Variants in ZNF578 observed in about 807,000 individuals in gnomAD.
ZNF578 encodes the protein zinc finger protein 578.
In ZNF578, 8 loss-of-function variants were observed where a neutral mutation model predicts 8.3. The observed-to-expected ratio is 0.96, with a 90% confidence interval of 0.56 to 1.74. The LOEUF (loss-of-function observed/expected upper bound fraction) is 1.74. ZNF578 is among the 40% of genes most tolerant of loss of function. The pLI, the probability that ZNF578 is intolerant of heterozygous loss-of-function variation, is 0.00. For synonymous variants in ZNF578, 206 were observed against 232.2 expected (o/e 0.89, Z 1.03); for missense variants, 726 against 707.5 (o/e 1.03, Z -0.30).
chr19:52,499,701 T>TTTTTTTTTTTTTTTTTTTTTTG (rs2059399798), intron 3 of ZNF578, among the ~76,000 whole-genome samples: 1 of 151,806 alleles, frequency 6.6e-6, no homozygotes, highest in African/African-American at 2.4e-5. Context: ...TTTTTTTTTT[T>TTTTTTTTTTTTTTTTTTTTTTG]TGAGATGAAT....
chr19:52,475,669 T>TTAATATGCCCTAA (rs2059306259), intron 2 of ZNF578, among the ~76,000 whole-genome samples: 1 of 152,204 alleles, frequency 6.6e-6, no homozygotes, highest in East Asian at 1.9e-4. Flanking sequence ...GTGCAGCCAA[T>TTAATATGCCCTAA]TAATATCCCC....
intron 2 of ZNF578, among the ~76,000 whole-genome samples, chr19:52,482,408 T>C (rs2059329881): frequency 6.6e-6 from 1 of 151,882 alleles, no homozygotes; most frequent in African/African-American, 2.4e-5. Context: ...GAGGCCGAGG[T>C]ACGTGGATCA....
intron 2 of ZNF578, among the ~76,000 whole-genome samples, chr19:52,465,389 A>G (rs1205390498): frequency 6.6e-6 from 1 of 152,172 alleles, no homozygotes; most frequent in African/African-American, 2.4e-5. Flanking sequence ...GGGGATTGGC[A>G]TAAATCACCT....
intron 5 of ZNF578, among the ~76,000 whole-genome samples, chr19:52,508,974 T>C (rs2059435073): frequency 7.2e-6 from 1 of 137,986 alleles, no homozygotes; most frequent in Admixed American, 8.2e-5. Context: ...CGATCTCGGC[T>C]CACTGCAACC....
chr19:52,489,807 C>A (rs2077296056), intron 2 of ZNF578, among the ~76,000 whole-genome samples: 1 of 151,966 alleles, frequency 6.6e-6, no homozygotes, highest in African/African-American at 2.4e-5. Context: ...AGGCGCCCGC[C>A]ACCAATCCCG....
intron 2 of ZNF578, among the ~76,000 whole-genome samples, chr19:52,464,511 C>T (rs924158241): frequency 4.6e-5 from 7 of 152,214 alleles, no homozygotes; most frequent in African/African-American, 1.2e-4. Context: ...GAACCTTTTG[C>T]GGCTTAATGG....
At chr19:52,461,166 A>G (rs1025811003) in intron 2 of ZNF578, among the ~76,000 whole-genome samples, 3 of 152,218 alleles carry the variant, frequency 2.0e-5, no homozygotes, top group South Asian at 2.1e-4. Context: ...TCATTTGGCT[A>G]TATCCAATGT....
intron 2 of ZNF578, among the ~76,000 whole-genome samples, chr19:52,487,683 T>A (rs1323230815): frequency 6.6e-6 from 1 of 152,096 alleles, no homozygotes; most frequent in Non-Finnish European, 1.5e-5. Flanking sequence ...CAGGCTGGAG[T>A]GCAGTGCGTG....
intron 2 of ZNF578, among the ~76,000 whole-genome samples, chr19:52,481,669 C>T (rs914709980): frequency 8.5e-5 from 13 of 152,122 alleles, no homozygotes; most frequent in East Asian, 3.9e-4. Flanking sequence ...TTCCCAGAGT[C>T]GGGTAGGAAA....
intron 3 of ZNF578, among the ~76,000 whole-genome samples, chr19:52,497,551 A>G (rs1025645655): frequency 2.0e-5 from 3 of 152,302 alleles, no homozygotes; most frequent in East Asian, 3.9e-4. Context: ...TATATTTTCA[A>G]CTATTTCTCC....
At chr19:52,476,395 G>A (rs2059308431) in intron 2 of ZNF578, among the ~76,000 whole-genome samples, 1 of 152,178 alleles carries the variant, frequency 6.6e-6, no homozygotes, top group Non-Finnish European at 1.5e-5. Flanking sequence ...CCATACAGGT[G>A]TTTTGCTGAG....
chr19:52,504,546 C>G (rs2447419), intron 4 of ZNF578, 109 bp from the exon 5 acceptor site: 18 of 1,568,442 alleles, frequency 1.1e-5, no homozygotes, highest in Non-Finnish European at 1.4e-5. Flanking sequence ...GGTTTTGTCA[C>G]AACACAGTCT....
intron 2 of ZNF578, among the ~76,000 whole-genome samples, chr19:52,485,578 A>G (rs1474160550): frequency 6.6e-6 from 1 of 152,108 alleles, no homozygotes; most frequent in Admixed American, 6.6e-5. Context: ...TACTGTGTCT[A>G]CGTAGAAAGA....
intron 2 of ZNF578, among the ~76,000 whole-genome samples, 174 bp from the exon 3 acceptor site, chr19:52,491,150 T>C (rs1267004190): frequency 1.3e-5 from 2 of 152,220 alleles, no homozygotes; most frequent in East Asian, 3.8e-4. Context: ...TTGAAGGACA[T>C]GTAATCGCCC....
intron 2 of ZNF578, among the ~76,000 whole-genome samples, chr19:52,486,265 C>G (rs2059345231): frequency 6.6e-6 from 1 of 152,122 alleles, no homozygotes; most frequent in African/African-American, 2.4e-5. Context: ...TGACCCTTCC[C>G]CACTATTACC....
In ZNF578 at chr19:52,516,021, C is replaced by T. The variant is rs941905849; in HGVS notation, c.*3867C>T. Among the ~76,000 whole-genome samples, 1 of 152,132 alleles carries T rather than the reference C, an allele frequency of 6.6e-6. No homozygotes were observed. Among genetic ancestry groups the T allele is most frequent in the African/African-American group, 2.4e-5 (1 of 41,418 alleles). Reference sequence around the variant, plus strand: ...GTGCAGGGCCCCTGCCAGTGTCCAGCCTCCTCCTGGCAGCTTGCCCTCATC... The same window carrying T: ...GTGCAGGGCCCCTGCCAGTGTCCAGTCTCCTCCTGGCAGCTTGCCCTCATC... On this transcript the variant is annotated 3_prime_UTR_variant, in exon 6 of 6. Coordinates refer to ENST00000421239, the MANE Select transcript of ZNF578 (RefSeq NM_001099694.2).
At chr19:52,459,769 A>ATATTTTT (rs1555751349) in intron 2 of ZNF578, among the ~76,000 whole-genome samples, 333 of 17,616 alleles carry the variant, frequency 0.019, 62 homozygotes, top group Admixed American at 0.027. Flanking sequence ...ATATATATAT[A>ATATTTTT]TTTTTTTTTT....
chr19:52,479,773 CCAGA>C (rs1417581146), intron 2 of ZNF578, among the ~76,000 whole-genome samples: 1 of 152,016 alleles, frequency 6.6e-6, no homozygotes, highest in African/African-American at 2.4e-5. Flanking sequence ...TCATTCCTTA[CCAGA>C]CAAAAACTTC....
Position 52,516,066 on chromosome 19 carries a change from A to T in ZNF578, c.*3912A>T, listed in dbSNP as rs2059474180. Among the ~76,000 whole-genome samples the T allele has an allele frequency of 6.6e-6, 1 of 151,928 alleles. No individual in the cohort carries two copies. The highest frequency in any genetic ancestry group is 2.1e-4 in the South Asian group (1 of 4,824). On this transcript the variant is annotated 3_prime_UTR_variant, in exon 6 of 6. Transcript: ENST00000421239. ...CTCATCTCATGACTCCCTCTGCCCC[A>T]GTCACATTTGCTTTTCTCTTTTCCC... is the stretch of plus-strand genomic sequence containing the variant.
Sources: allele counts gnomAD v4.1 joint callset (sites outside exome capture counted in the v4.1 genomes callset), GRCh38; gene constraint gnomAD v4.1.1; transcripts MANE v1.5; gene names NCBI Gene and HGNC (gene_info 2026-07-23, HGNC 2026-07-21).